The following PAPOLA variants were observed in gnomAD, a reference collection of about 807,000 sequenced individuals.
PAPOLA encodes poly(A) polymerase alpha, also known as polynucleotide adenylyltransferase alpha.
Under a neutral mutation model 100.6 loss-of-function variants are expected in PAPOLA, and 15 were observed. The ratio of observed to expected loss-of-function variants is 0.15; its 90% CI spans 0.10 to 0.23. PAPOLA has a LOEUF of 0.23. PAPOLA is among the 10% of genes least tolerant of loss of function. The pLI is 1.00. For missense variants in PAPOLA, 533 were observed against 884.2 expected (o/e 0.60, Z 5.04); for synonymous variants, 293 against 300.0 (o/e 0.98, Z 0.24).
intron 1 of PAPOLA, among the ~76,000 whole-genome samples, chr14:96,519,272 G>C (rs986041635): frequency 6.6e-6 from 1 of 152,016 alleles, no homozygotes; most frequent in Non-Finnish European, 1.5e-5. Flanking sequence ...AGAAATAACC[G>C]ATCCAGATTT....
intron 1 of PAPOLA, 48 bp downstream of exon 1, chr14:96,502,648 G>T (rs765819282): frequency 1.6e-5 from 25 of 1,555,248 alleles, no homozygotes; most frequent in South Asian, 5.9e-5. Flanking sequence ...CTGGGCCTTG[G>T]GGGGCGTCCG....
At chr14:96,551,407 C>T (rs1900837895) in intron 16 of PAPOLA, among the ~76,000 whole-genome samples, 1 of 152,138 alleles carries the variant, frequency 6.6e-6, no homozygotes, top group South Asian at 2.1e-4. Context: ...CGACTGACTT[C>T]ATAAGCAAAT....
Position 96,552,619 on chromosome 14 carries a change from A to G in PAPOLA, c.1661A>G (p.Gln554Arg). The G allele has an allele frequency of 6.2e-7, 1 of 1,611,654 alleles. No homozygotes were observed. Among genetic ancestry groups the G allele is most frequent in the Non-Finnish European group, 8.5e-7 (1 of 1,179,080 alleles). ...TSPLNSSGSS[Q>R]GRNSPAPAVT... The stretch of plus-strand genomic sequence containing the variant: ...CCATTGAACAGTTCTGGCAGCTCTC[A>G]GGGGTAAGGAAAAAGAGGGAAATAG... The change falls in exon 17 of 22, where the codon CAG (glutamine) becomes CGG (arginine). Residue 554 changes from glutamine to arginine, a missense_variant. Coordinates refer to ENST00000216277, the MANE Select transcript of PAPOLA (RefSeq NM_032632.5).
At chr14:96,502,760 C>T (rs546218242) in intron 1 of PAPOLA, 160 bp downstream of exon 1, 20 of 664,134 alleles carry the variant, frequency 3.0e-5, no homozygotes, top group African/African-American at 3.9e-5. Context: ...CTCGCTCGCT[C>T]GCCGCCGCAC....
At chr14:96,553,956 C>T (rs1901075820) in intron 17 of PAPOLA, among the ~76,000 whole-genome samples, 1 of 152,138 alleles carries the variant, frequency 6.6e-6, no homozygotes, top group South Asian at 2.1e-4. Flanking sequence ...GCAAATCATG[C>T]ATAATCCAAA....
chr14:96,516,449 C>T (rs1897473286), intron 1 of PAPOLA, among the ~76,000 whole-genome samples: 1 of 151,734 alleles, frequency 6.6e-6, no homozygotes, highest in Non-Finnish European at 1.5e-5. Flanking sequence ...AGCCATCCTC[C>T]TGCCTCAGCC....
At chr14:96,509,965 C>CTTTTTTTTT (rs11372552) in intron 1 of PAPOLA, among the ~76,000 whole-genome samples, 3 of 84,422 alleles carry the variant, frequency 3.6e-5, no homozygotes, top group Admixed American at 1.3e-4. Flanking sequence ...GTGGGAGTTG[C>CTTTTTTTTT]TTTTTTTTTT....
intron 7 of PAPOLA, chr14:96,531,974 T>TA (rs1213736019): frequency 8.0e-7 from 1 of 1,250,334 alleles, no homozygotes. Flanking sequence ...CATAGCTTGT[T>TA]ACTGTGCTCT....
chr14:96,507,691 A>G (rs1896827568), intron 1 of PAPOLA, among the ~76,000 whole-genome samples: 1 of 152,194 alleles, frequency 6.6e-6, no homozygotes, highest in Non-Finnish European at 1.5e-5. Flanking sequence ...TGGTAAGCAT[A>G]ATGCATGTAA....
chr14:96,560,626 A>T, intron 19 of PAPOLA, 23 bp from the exon 20 acceptor site: 1 of 1,552,500 alleles, frequency 6.4e-7, no homozygotes, highest in Non-Finnish European at 8.8e-7. Flanking sequence ...TTTAGAGAAT[A>T]AAGCTTTTTT....
At chr14:96,557,828 T>G (rs943070230) in intron 19 of PAPOLA, among the ~76,000 whole-genome samples, 2 of 151,838 alleles carry the variant, frequency 1.3e-5, no homozygotes, top group Non-Finnish European at 2.9e-5. Flanking sequence ...TAAATGAGAA[T>G]GAAAAACGGG....
chr14:96,511,667 A>C (rs1897118255), intron 1 of PAPOLA, among the ~76,000 whole-genome samples: 1 of 152,188 alleles, frequency 6.6e-6, no homozygotes, highest in African/African-American at 2.4e-5. Context: ...GAAAACAGAG[A>C]CTACCTTAAG....
Position 96,544,169 on chromosome 14 carries a change from G to A in PAPOLA, c.1310G>A (p.Trp437Ter). The A allele has an allele frequency of 6.2e-7, 1 of 1,602,784 alleles. No homozygotes were observed. Among genetic ancestry groups the A allele is most frequent in the Non-Finnish European group, 8.5e-7 (1 of 1,170,144 alleles). Residue 437 changes from tryptophan (W) to a stop codon, truncating the protein, a stop_gained, in exon 15 of 22, where the codon TGG (tryptophan) becomes TAG (stop). Coordinates refer to ENST00000216277, the MANE Select transcript of PAPOLA (RefSeq NM_032632.5). LOFTEE classifies it high-confidence loss of function. ...TGCAGGGAAGAATTTCGCACGATGT[G>A]GGTGATTGGGTTAGTGTTTAAAAAA... ...NPDKEEFRTM[W>*]VIGLVFKKTE... is the part of the protein sequence containing the mutation.
intron 3 of PAPOLA, among the ~76,000 whole-genome samples, chr14:96,523,087 T>TA (rs1898135489): frequency 6.6e-6 from 1 of 152,230 alleles, no homozygotes; most frequent in Non-Finnish European, 1.5e-5. Context: ...TTATGGACTT[T>TA]ACGTACCATG....
intron 3 of PAPOLA, among the ~76,000 whole-genome samples, chr14:96,523,971 A>G (rs1898242760): frequency 1.3e-5 from 2 of 151,932 alleles, no homozygotes; most frequent in African/African-American, 4.8e-5. Flanking sequence ...AATTACACAC[A>G]TAACTTGTCT....
In PAPOLA at chr14:96,520,111, T is replaced by G; in HGVS notation, c.65T>G (p.Ile22Ser). Residue 22 changes from isoleucine to serine, a missense_variant, in exon 2 of 22, where the codon ATT becomes AGT. Physicochemically the swap from Ile to Ser is moderately radical, Grantham distance 142 (BLOSUM62 -2). Transcript: ENST00000216277. ...CAACCGCCACAGAAGCACTATGGCATTACTTCTCCTATCAGCTTAGCAGCC... is the reference window on the plus strand; with the variant it reads ...CAACCGCCACAGAAGCACTATGGCAGTACTTCTCCTATCAGCTTAGCAGCC... ...QTQPPQKHYGITSPISLAAPK... is the reference protein window; with the variant it reads ...QTQPPQKHYGSTSPISLAAPK... 6.2e-7 allele frequency: 1 copy of G among 1,613,816 alleles called. No homozygotes were observed. Among genetic ancestry groups the G allele is most frequent in the Non-Finnish European group, 8.5e-7 (1 of 1,179,728 alleles).
intron 21 of PAPOLA, 36 bp from the exon 22 acceptor site, chr14:96,564,919 T>C (rs1214463366): frequency 9.5e-7 from 1 of 1,056,782 alleles, no homozygotes; most frequent in Non-Finnish European, 1.5e-6. Context: ...ATTATGGTGC[T>C]TTGAACAATG....
rs189689256 is a variant in PAPOLA at position 96,566,998 on chromosome 14, A to G, written c.*1948A>G. On this transcript the variant is annotated 3_prime_UTR_variant, in exon 22 of 22. Coordinates refer to ENST00000216277, the MANE Select transcript of PAPOLA (RefSeq NM_032632.5). ...CGCATGATGTATGTAGTGTCTCATG[A>G]CTGGAGTTTGCTTTGTTTTATAGTA... 3 of 152,656 alleles carry G rather than the reference A, an allele frequency of 2.0e-5. No homozygotes were observed. In the Admixed American group the frequency reaches 2.0e-4, roughly 10 times the overall value. 9.5% of individuals were successfully genotyped at this position (152,656 alleles called of 1,614,324 possible). A position where few individuals can be genotyped will look rare whatever the true frequency, so the allele number is the denominator to read the frequency against.
Position 96,552,523 on chromosome 14 carries a change from G to C in PAPOLA, c.1565G>C (p.Ser522Thr). ...AAATTGACAGCTCTCAATGACAGCA[G>C]CCTCGACTTGTCTATGGACAGTGAT... Reference protein sequence around the residue: ...GVKLTALNDSSLDLSMDSDNS... With the variant: ...GVKLTALNDSTLDLSMDSDNS... The change falls in exon 17 of 22, where the codon AGC becomes ACC. Residue 522 changes from serine (S) to threonine (T), a missense_variant. By Grantham distance (58) the Ser-to-Thr change is moderately conservative (BLOSUM62 1). Around this residue, in one of 9 missense-constraint regions of PAPOLA, gnomAD observed 242 missense variants for 281.0 expected, o/e 0.86. Coordinates refer to ENST00000216277, the MANE Select transcript of PAPOLA (RefSeq NM_032632.5). The C allele has an allele frequency of 6.2e-7, 1 of 1,613,770 alleles. No homozygotes were observed. Among genetic ancestry groups the C allele is most frequent in the Non-Finnish European group, 8.5e-7 (1 of 1,179,668 alleles).
Sources: gnomAD v4.1 joint callset for allele counts (sites outside exome capture counted in the v4.1 genomes callset) on GRCh38, gnomAD v4.1.1 for gene constraint, gnomAD v4.1.1 regional missense constraint, MANE v1.5 for transcripts, NCBI Gene and HGNC (gene_info 2026-07-23, HGNC 2026-07-21) for gene names.